The following AKAP7 variants were observed in gnomAD, a reference collection of about 807,000 sequenced individuals.
AKAP7 encodes A kinase (PRKA) anchor protein 7.
Under a neutral mutation model 39.5 loss-of-function variants are expected in AKAP7, and 39 were observed. The ratio of observed to expected loss-of-function variants is 0.99; its 90% CI spans 0.76 to 1.29. AKAP7 has a LOEUF of 1.29. Among genes scored for constraint, AKAP7 ranks in the 50% most tolerant of loss-of-function variants. AKAP7 has a pLI of 0.00. For synonymous variants in AKAP7, 140 were observed against 139.1 expected (o/e 1.01, Z -0.05); for missense variants, 414 against 407.7 (o/e 1.02, Z -0.13).
intron 7 of AKAP7, among the ~76,000 whole-genome samples, chr6:131,252,137 T>A (rs1182074400): frequency 6.6e-6 from 1 of 152,254 alleles, no homozygotes; most frequent in Non-Finnish European, 1.5e-5. Context: ...TTCTTTTCTG[T>A]CTTCCTTATC....
chr6:131,174,314 A>T (rs2128248711), intron 5 of AKAP7, among the ~76,000 whole-genome samples: 1 of 152,348 alleles, frequency 6.6e-6, no homozygotes, highest in East Asian at 1.9e-4. Context: ...ATTATTGGGG[A>T]CTTACTGTGT....
At chr6:131,149,424 C>T (rs1220797632) in intron 2 of AKAP7, among the ~76,000 whole-genome samples, 2 of 152,274 alleles carry the variant, frequency 1.3e-5, no homozygotes, top group East Asian at 3.9e-4. Flanking sequence ...CTTTTGAGGT[C>T]AGGAGTTTGA....
chr6:131,281,567 A>G lies in AKAP7; in HGVS notation c.888A>G (p.Leu296=). Residue 296 remains leucine (L), a synonymous_variant, in exon 8 of 8, where the codon CTA becomes CTG. Transcript: ENST00000431975. This position sits in a 1 kb window ranked among gnomAD's most constrained non-coding sequence, Gnocchi z 4.0. ...GAGGGGAGCCCGATGACGCTGAACT[A>G]GTAAGGCTCAGTAAGAGGCTGGTGG... The part of the protein sequence containing the change: ...KNGGEPDDAE[L]VRLSKRLVEN... 1.2e-6 allele frequency: 2 copies of G among 1,612,980 alleles called. No individual in the cohort carries two copies. Among genetic ancestry groups the G allele is most frequent in the Non-Finnish European group, 1.7e-6 (2 of 1,179,398 alleles).
chr6:131,236,222 CGGCA>C (rs1278400671), intron 7 of AKAP7, among the ~76,000 whole-genome samples: 2 of 151,964 alleles, frequency 1.3e-5, no homozygotes, highest in Admixed American at 1.3e-4. Context: ...TGTAGATATG[CGGCA>C]TTATTTCTGA....
intron 7 of AKAP7, among the ~76,000 whole-genome samples, chr6:131,227,749 C>T (rs1810301112): frequency 6.6e-6 from 1 of 152,198 alleles, no homozygotes; most frequent in Admixed American, 6.5e-5. Context: ...TAGGCCAGAA[C>T]AACGGGATAG....
chr6:131,152,864 C>T (rs1267415535), intron 2 of AKAP7, among the ~76,000 whole-genome samples: 1 of 148,346 alleles, frequency 6.7e-6, no homozygotes, highest in Non-Finnish European at 1.5e-5. Context: ...CGCGCTGGCT[C>T]ACGCCGGTAA....
intron 5 of AKAP7, chr6:131,185,167 C>T (rs1585038275): frequency 3.8e-6 from 2 of 531,094 alleles, no homozygotes; most frequent in East Asian, 8.6e-5. Context: ...ATCAGCCCCT[C>T]CTTCTTCAGG....
chr6:131,147,964 T>C (rs1040926866), intron 2 of AKAP7, among the ~76,000 whole-genome samples: 1 of 152,234 alleles, frequency 6.6e-6, no homozygotes, highest in Non-Finnish European at 1.5e-5. Flanking sequence ...GTTTCTGTAG[T>C]CACCATATTC....
At chr6:131,169,458 T>C (rs886660091) in intron 5 of AKAP7, among the ~76,000 whole-genome samples, 185 bp downstream of exon 5, 1 of 152,342 alleles carries the variant, frequency 6.6e-6, no homozygotes, top group Non-Finnish European at 1.5e-5. Flanking sequence ...TGACATACAG[T>C]TGGCACTTGG....
chr6:131,169,972 T>C (rs973991348), intron 5 of AKAP7, among the ~76,000 whole-genome samples: 1 of 152,062 alleles, frequency 6.6e-6, no homozygotes, highest in African/African-American at 2.4e-5. Flanking sequence ...TTTGCTTTTC[T>C]TTCTCTGCCC....
chr6:131,279,771 T>A (rs1815057408), intron 7 of AKAP7, among the ~76,000 whole-genome samples: 1 of 152,194 alleles, frequency 6.6e-6, no homozygotes, highest in Non-Finnish European at 1.5e-5. Context: ...GTGCAATGTC[T>A]GGCCTTGATA....
At chr6:131,200,903 T>C (rs1456707759) in intron 6 of AKAP7, 1 of 152,172 alleles carries the variant, frequency 6.6e-6, no homozygotes. Flanking sequence ...TGACAATCAG[T>C]GGTGAAGGTA....
chr6:131,264,893 TAAAC>T (rs760182850), intron 7 of AKAP7, among the ~76,000 whole-genome samples: 2 of 152,016 alleles, frequency 1.3e-5, no homozygotes, highest in South Asian at 2.1e-4. Flanking sequence ...GCCACATTCT[TAAAC>T]AACCAGATCT....
At chr6:131,233,321 A>C (rs915346639) in intron 7 of AKAP7, among the ~76,000 whole-genome samples, 1 of 152,194 alleles carries the variant, frequency 6.6e-6, no homozygotes, top group East Asian at 1.9e-4. Flanking sequence ...ACAATCAGGC[A>C]GACCTTATTC....
At position 131,282,156 on chromosome 6, in the gene AKAP7, T is replaced by C. The variant is rs1180391709; in HGVS notation, c.*430T>C. ...CAAGTGCTAAGTTTAAAATAATCAC[T>C]GTTGGAATTGTCATCTGTACAATTA... On this transcript the variant is annotated 3_prime_UTR_variant, in exon 8 of 8. Transcript: ENST00000431975. The C allele has an allele frequency of 1.6e-5, 19 of 1,216,980 alleles. No individual in the cohort carries two copies. In the Admixed American group the frequency reaches 4.0e-4, roughly 25 times the overall value. 75.4% of individuals were successfully genotyped at this position (1,216,980 alleles called of 1,614,324 possible).
At chr6:131,132,814 G>A (rs375850298), upstream of AKAP7, among the ~76,000 whole-genome samples, 3 of 152,202 alleles carry the variant, frequency 2.0e-5, no homozygotes, top group East Asian at 3.8e-4. Context: ...TTTCACAGGA[G>A]CTTTCACAGA....
At position 131,277,784 on chromosome 6, in the gene AKAP7, T is replaced by C. The variant is rs151059367; in HGVS notation, c.851-3746T>C. On this transcript the variant is annotated intron_variant, in intron 7 of 7. Transcript: ENST00000431975. ...ATGGTCATAGTCTGAGGATACTTTG[T>C]GGAAATCATAAAGGGAGGCCAGAGT... Among the ~76,000 whole-genome samples the C allele has an allele frequency of 3.3e-5, 5 of 152,300 alleles. No individual in the cohort carries two copies. The East Asian group carries it at 9.6e-4, about 29-fold the overall frequency.
In AKAP7 at chr6:131,266,698, TG is replaced by T. The variant is rs1562254423; in HGVS notation, c.851-14831del. 4.1e-5 allele frequency among the ~76,000 whole-genome samples: 6 copies of T among 147,912 alleles called. No homozygotes were observed. The South Asian group carries it at 6.5e-4, about 16-fold the overall frequency. On this transcript the variant is annotated intron_variant, in intron 7 of 7. Coordinates refer to ENST00000431975, the MANE Select transcript of AKAP7 (RefSeq NM_016377.4). ...CTGCAGGGGTTTTTGTTGTTGTTGT[TG>T]TTGTTGTTGTTTTTTAACGGTGTGC...
chr6:131,165,322 T>C, intron 4 of AKAP7, 105 bp downstream of exon 4: 1 of 766,670 alleles, frequency 1.3e-6, no homozygotes, highest in South Asian at 2.1e-5. Flanking sequence ...AGAAGTAGTC[T>C]CTATACAATT....
Sources: allele counts gnomAD v4.1 joint callset (sites outside exome capture counted in the v4.1 genomes callset), GRCh38; gene constraint gnomAD v4.1.1; non-coding constraint Gnocchi (gnomAD v3.1); transcripts MANE v1.5; gene names NCBI Gene and HGNC (gene_info 2026-07-23, HGNC 2026-07-21).